KLHL1: variants seen among roughly 807,000 people sequenced by gnomAD.
KLHL1 encodes kelch like family member 1.
KLHL1 carries 47 observed loss-of-function variants against 77.7 expected under a neutral mutation model. The ratio of observed to expected loss-of-function variants is 0.60; its 90% CI spans 0.48 to 0.77. KLHL1 has a LOEUF of 0.77. KLHL1 is among the 30% of genes least tolerant of loss of function. KLHL1 has a pLI of 0.00. For missense variants in KLHL1, 925 were observed against 910.8 expected, an observed-to-expected ratio of 1.02 and a Z score of -0.20; for synonymous variants, 360 against 325.2, an observed-to-expected ratio of 1.11 and a Z score of -1.15.
intron 6 of KLHL1, 54 bp from the exon 7 acceptor site, chr13:69,797,016 C>T: frequency 7.0e-7 from 1 of 1,422,112 alleles, no homozygotes; most frequent in Middle Eastern, 1.8e-4. Context: ...CAACAAACAG[C>T]CTGCCAAAGC....
At chr13:70,084,650 A>ATTTTTTT (rs1887486259) in intron 1 of KLHL1, among the ~76,000 whole-genome samples, 10 of 14,406 alleles carry the variant, frequency 6.9e-4, no homozygotes, top group East Asian at 2.7e-3. Context: ...TTTTTTTTTG[A>ATTTTTTT]ATTTTTAGTA....
intron 5 of KLHL1, among the ~76,000 whole-genome samples, chr13:69,866,006 T>C (rs2086883922): frequency 6.6e-6 from 1 of 152,136 alleles, no homozygotes; most frequent in African/African-American, 2.4e-5. Context: ...AAATTCCATC[T>C]TTTATTTTTA....
chr13:70,060,309 C>G (rs2472265), intron 1 of KLHL1, among the ~76,000 whole-genome samples: 151,271 of 152,302 alleles, frequency 0.99, 75,125 homozygotes, highest in East Asian at 1. Context: ...ATTGTACACT[C>G]TTGTTGGGAA....
At chr13:70,053,392 G>GTT (rs1886674541) in intron 1 of KLHL1, among the ~76,000 whole-genome samples, 1 of 152,038 alleles carries the variant, frequency 6.6e-6, no homozygotes, top group South Asian at 2.1e-4. Context: ...GGCAATGCAA[G>GTT]AGACGGACAG....
At chr13:70,028,022 TTG>T (rs1414182432) in intron 1 of KLHL1, among the ~76,000 whole-genome samples, 1 of 152,128 alleles carries the variant, frequency 6.6e-6, no homozygotes, top group Non-Finnish European at 1.5e-5. Flanking sequence ...CTTGAAGTAG[TTG>T]TGTTTTATTA....
intron 6 of KLHL1, among the ~76,000 whole-genome samples, chr13:69,801,949 G>T (rs1006661317): frequency 6.6e-6 from 1 of 152,090 alleles, no homozygotes; most frequent in Admixed American, 6.6e-5. Context: ...CGCCATGGTG[G>T]TTTGCTGCAC....
At chr13:70,039,158 C>G (rs1041943864) in intron 1 of KLHL1, among the ~76,000 whole-genome samples, 1 of 149,108 alleles carries the variant, frequency 6.7e-6, no homozygotes, top group Non-Finnish European at 1.5e-5. Flanking sequence ...AACTTGAATT[C>G]CTAGGCTTGA....
intron 1 of KLHL1, among the ~76,000 whole-genome samples, chr13:70,041,462 G>T (rs1391308352): frequency 6.6e-6 from 1 of 152,138 alleles, no homozygotes; most frequent in Non-Finnish European, 1.5e-5. Flanking sequence ...AGCCTCCATG[G>T]ACAAGATAAA....
chr13:70,006,502 G>T (rs199960335), intron 1 of KLHL1, among the ~76,000 whole-genome samples: 3 of 139,044 alleles, frequency 2.2e-5, no homozygotes, highest in African/African-American at 2.7e-5. Context: ...TCCCCCTCAA[G>T]TTTTTTTTTT....
Position 70,004,822 on chromosome 13 carries a change from T to C in KLHL1, c.498-29020A>G, listed in dbSNP as rs149984799. The stretch of plus-strand genomic sequence containing the variant: ...ATTACTGTACTAATTAAAATACTAC[T>C]AGCTGAAAACAATGAAATTTGAACT... On this transcript the variant is annotated intron_variant, in intron 1 of 10. Coordinates refer to ENST00000377844, the MANE Select transcript of KLHL1 (RefSeq NM_020866.3). Among the ~76,000 whole-genome samples the C allele has an allele frequency of 5.9e-3, 896 of 151,846 alleles. 7 individuals are homozygous for C. Among genetic ancestry groups the C allele is most frequent in the Middle Eastern group, 0.021 (6 of 288 alleles).
At chr13:69,759,356 T>C (rs1033484222) in intron 7 of KLHL1, among the ~76,000 whole-genome samples, 1 of 152,104 alleles carries the variant, frequency 6.6e-6, no homozygotes, top group African/African-American at 2.4e-5. Flanking sequence ...ACAGAACCAA[T>C]AGTTTTATAA....
chr13:69,779,039 C>T (rs980662676), intron 7 of KLHL1, among the ~76,000 whole-genome samples: 2 of 152,126 alleles, frequency 1.3e-5, no homozygotes, highest in East Asian at 1.9e-4. Context: ...ACCTCATGAT[C>T]AGCCCACCTC....
At chr13:70,047,160 T>G (rs553528467) in intron 1 of KLHL1, among the ~76,000 whole-genome samples, 1 of 151,830 alleles carries the variant, frequency 6.6e-6, no homozygotes, top group East Asian at 1.9e-4. Flanking sequence ...CTAAAATGTG[T>G]GCCTACATTG....
intron 5 of KLHL1, among the ~76,000 whole-genome samples, chr13:69,874,197 G>C (rs1209704164): frequency 6.6e-6 from 1 of 152,078 alleles, no homozygotes; most frequent in East Asian, 1.9e-4. Context: ...CCCTCTCACA[G>C]TGTGTGCCTG....
chr13:70,002,426 A>G (rs79421149), intron 1 of KLHL1, among the ~76,000 whole-genome samples: 3,592 of 151,650 alleles, frequency 0.024, 158 homozygotes, highest in African/African-American at 0.082. Flanking sequence ...GGAGAAAAAA[A>G]ATTTTTTTAA....
intron 5 of KLHL1, among the ~76,000 whole-genome samples, chr13:69,871,348 G>T (rs923316059): frequency 3.9e-5 from 6 of 152,110 alleles, no homozygotes; most frequent in Admixed American, 1.3e-4. Flanking sequence ...GATGGAAGGG[G>T]CTGCCTCCAG....
intron 1 of KLHL1, among the ~76,000 whole-genome samples, chr13:70,007,604 T>TA (rs11390324): frequency 0.1 from 15,642 of 152,040 alleles, 877 homozygotes; most frequent in African/African-American, 0.12. Context: ...AGGGAAATGC[T>TA]AAAAATAGTC....
chr13:69,970,855 C>T (rs1191013190), intron 2 of KLHL1, among the ~76,000 whole-genome samples: 1 of 152,080 alleles, frequency 6.6e-6, no homozygotes, highest in Non-Finnish European at 1.5e-5. Flanking sequence ...GGCTCAGGCT[C>T]TCACATGAGG....
intron 1 of KLHL1, among the ~76,000 whole-genome samples, chr13:70,057,927 A>T (rs1017935670): frequency 2.0e-5 from 3 of 152,200 alleles, no homozygotes; most frequent in Non-Finnish European, 4.4e-5. Context: ...ATTCACTATG[A>T]CCAAGTAATA....
Sources: gnomAD v4.1 joint callset for allele counts (sites outside exome capture counted in the v4.1 genomes callset) on GRCh38, gnomAD v4.1.1 for gene constraint, MANE v1.5 for transcripts, NCBI Gene and HGNC (gene_info 2026-07-23, HGNC 2026-07-21) for gene names.